Variants in FAR2 observed in about 807,000 individuals in gnomAD.
FAR2 encodes epididymis secretory protein Li 81.
FAR2 carries 19 observed loss-of-function variants against 56.0 expected under a neutral mutation model. The ratio of observed to expected loss-of-function variants is 0.34; its 90% CI spans 0.24 to 0.50. The LOEUF is 0.50. FAR2 is among the 20% of genes least tolerant of loss of function. The pLI, the probability that FAR2 is intolerant of heterozygous loss-of-function variation, is 0.98. For synonymous variants in FAR2, 219 were observed against 218.8 expected (o/e 1.00, Z -0.01); for missense variants, 508 against 642.2 (o/e 0.79, Z 2.26).
At chr12:29,259,190 G>A (rs933068269) in intron 1 of FAR2, among the ~76,000 whole-genome samples, 4 of 152,172 alleles carry the variant, frequency 2.6e-5, no homozygotes, top group African/African-American at 9.6e-5. Context: ...CTTTAGCAAA[G>A]CCTGGAGAAA....
At chr12:29,317,701 CACTT>C (rs544523351) in intron 9 of FAR2, 38 of 152,744 alleles carry the variant, frequency 2.5e-4, no homozygotes, top group Admixed American at 1.9e-3. Flanking sequence ...ATGACAACCT[CACTT>C]ACTGAGAGTT....
chr12:29,166,410 G>T (rs11050089), intron 1 of FAR2, among the ~76,000 whole-genome samples: 1 of 152,142 alleles, frequency 6.6e-6, no homozygotes, highest in African/African-American at 2.4e-5. Flanking sequence ...ACCAAGTGTT[G>T]TCTTATCTTT....
intron 1 of FAR2, among the ~76,000 whole-genome samples, chr12:29,227,841 C>T (rs1304367433): frequency 6.6e-6 from 1 of 150,498 alleles, no homozygotes; most frequent in African/African-American, 2.4e-5. Context: ...AAATACTTAC[C>T]AAAAACTGCA....
intron 1 of FAR2, among the ~76,000 whole-genome samples, chr12:29,249,552 T>G (rs1013671092): frequency 9.9e-5 from 15 of 152,212 alleles, no homozygotes; most frequent in African/African-American, 3.6e-4. Flanking sequence ...TGTATTGTTA[T>G]GTGTGACATC....
At chr12:29,195,519 A>G (rs1565688391) in intron 1 of FAR2, among the ~76,000 whole-genome samples, 1 of 152,216 alleles carries the variant, frequency 6.6e-6, no homozygotes, top group Non-Finnish European at 1.5e-5. Flanking sequence ...GTAAAGTAGT[A>G]AAGATGAGAT....
intron 8 of FAR2, among the ~76,000 whole-genome samples, chr12:29,313,074 A>G (rs1040947637): frequency 6.6e-6 from 1 of 152,138 alleles, no homozygotes; most frequent in Admixed American, 6.5e-5. Context: ...ATTACTAATT[A>G]ATCTGATGTT....
At chr12:29,225,230 T>A (rs1947748079) in intron 1 of FAR2, among the ~76,000 whole-genome samples, 1 of 152,160 alleles carries the variant, frequency 6.6e-6, no homozygotes, top group African/African-American at 2.4e-5. Flanking sequence ...AGTGAGACCC[T>A]GTCTCAATAA....
chr12:29,321,971 G>GA (rs1253232674), intron 10 of FAR2, 47 bp downstream of exon 10: 1 of 1,557,260 alleles, frequency 6.4e-7, no homozygotes, highest in Non-Finnish European at 8.7e-7. Context: ...TACTCACTTG[G>GA]AATTTAGAAT....
chr12:29,204,073 G>T (rs2136620220), intron 1 of FAR2, among the ~76,000 whole-genome samples: 1 of 150,828 alleles, frequency 6.6e-6, no homozygotes, highest in East Asian at 1.9e-4. Flanking sequence ...ATCCAAAGTG[G>T]TAAAACCCAG....
At chr12:29,230,781 G>T (rs943248805) in intron 1 of FAR2, among the ~76,000 whole-genome samples, 2 of 152,116 alleles carry the variant, frequency 1.3e-5, no homozygotes, top group Non-Finnish European at 2.9e-5. Context: ...TTGGATTAAA[G>T]AACTCATAGA....
chr12:29,228,363 T>C (rs201258567), intron 1 of FAR2, among the ~76,000 whole-genome samples: 1 of 143,164 alleles, frequency 7.0e-6, no homozygotes, highest in African/African-American at 2.6e-5. Context: ...ATGGCACTCT[T>C]TCTTAGAATT....
intron 1 of FAR2, among the ~76,000 whole-genome samples, chr12:29,187,499 A>C (rs1950055367): frequency 6.6e-6 from 1 of 152,144 alleles, no homozygotes; most frequent in Admixed American, 6.5e-5. Flanking sequence ...TAGATTTTAA[A>C]GTATATTGAG....
chr12:29,228,774 G>T (rs1947808959), intron 1 of FAR2, among the ~76,000 whole-genome samples: 1 of 152,158 alleles, frequency 6.6e-6, no homozygotes, highest in South Asian at 2.1e-4. Flanking sequence ...TTTCAGTAGA[G>T]AAAAGGTTTT....
chr12:29,328,343 G>A (rs1949680031), intron 10 of FAR2, among the ~76,000 whole-genome samples: 1 of 152,228 alleles, frequency 6.6e-6, no homozygotes, highest in Non-Finnish European at 1.5e-5. Context: ...GGAAGTTGGT[G>A]TGGCGATTCC....
intron 1 of FAR2, among the ~76,000 whole-genome samples, chr12:29,215,241 A>G (rs1176523784): frequency 6.6e-6 from 1 of 152,250 alleles, no homozygotes; most frequent in Admixed American, 6.5e-5. Context: ...GCTAAATATG[A>G]AGACCATAGT....
At position 29,299,216 on chromosome 12, in the gene FAR2, A is replaced by G. The variant is rs1426294631; in HGVS notation, c.545+2016A>G. Among the ~76,000 whole-genome samples, 668 of 102,368 alleles carry G rather than the reference A, an allele frequency of 6.5e-3. 3 individuals carry two copies. Among genetic ancestry groups the G allele is most frequent in the African/African-American group, 0.021 (633 of 30,092 alleles). The allele number at this position is 102,368 out of a possible 152,430, so 67.2% of individuals were successfully genotyped here. ...CAACAAGAGCAAAACTTTGTCTCAAAAAAAAAAAAAAAAAAAAAAGAAAGA... is the reference window on the plus strand; with the variant it reads ...CAACAAGAGCAAAACTTTGTCTCAAGAAAAAAAAAAAAAAAAAAAGAAAGA... On this transcript the variant is annotated intron_variant, in intron 4 of 11. Transcript: ENST00000536681.
chr12:29,242,738 T>G (rs1948058143), intron 1 of FAR2, among the ~76,000 whole-genome samples: 1 of 151,940 alleles, frequency 6.6e-6, no homozygotes, highest in Non-Finnish European at 1.5e-5. Flanking sequence ...AATGACAGAG[T>G]AGGTATGGCA....
Position 29,242,381 on chromosome 12 carries a change from G to A in FAR2, c.-38-28031G>A, listed in dbSNP as rs189896430. 6.6e-5 allele frequency among the ~76,000 whole-genome samples: 10 copies of A among 152,304 alleles called. No individual in the cohort carries two copies. In the East Asian group the frequency reaches 1.9e-3, roughly 29 times the overall value. On this transcript the variant is annotated intron_variant, in intron 1 of 11. Coordinates refer to ENST00000536681, the MANE Select transcript of FAR2 (RefSeq NM_001271783.2). ...CTGTGTTCTCAAGCTGGCATGTTAT[G>A]TTGAAATGCTTTCAAGTTACATAAA... is the stretch of plus-strand genomic sequence containing the variant.
intron 4 of FAR2, among the ~76,000 whole-genome samples, chr12:29,300,606 C>CA (rs1323626717): frequency 2.0e-5 from 3 of 151,402 alleles, no homozygotes; most frequent in African/African-American, 7.2e-5. Flanking sequence ...TCTTTCAGTG[C>CA]AACAGAGAAA....
Sources: allele counts gnomAD v4.1 joint callset (sites outside exome capture counted in the v4.1 genomes callset), GRCh38; gene constraint gnomAD v4.1.1; transcripts MANE v1.5; gene names NCBI Gene and HGNC (gene_info 2026-07-23, HGNC 2026-07-21).